Variants in SCN8A observed in about 807,000 individuals in gnomAD.
SCN8A encodes the protein sodium channel protein type 8 subunit alpha.
In SCN8A, 30 loss-of-function variants were observed where a neutral mutation model predicts 184.1. That is an observed-to-expected ratio of 0.16 (90% CI 0.12 to 0.22). The LOEUF is 0.22. Among genes scored for constraint, SCN8A ranks in the 10% least tolerant of loss-of-function variants. The probability of loss-of-function intolerance (pLI) is 1.00; values close to 1 mark genes in which losing one functional copy is unlikely to be tolerated. For missense variants in SCN8A, 1,057 were observed against 2,498.9 expected (o/e 0.42, Z 12.30); for synonymous variants, 852 against 907.0 (o/e 0.94, Z 1.09).
intron 23 of SCN8A, 71 bp from the exon 24 acceptor site, chr12:51,789,210 G>A: frequency 6.4e-7 from 1 of 1,551,236 alleles, no homozygotes; most frequent in Non-Finnish European, 8.8e-7. Context: ...CACAGTTACG[G>A]CTGATGGCCT....
chr12:51,591,678 C>T (rs1007239908), intron 1 of SCN8A, among the ~76,000 whole-genome samples: 15 of 152,304 alleles, frequency 9.8e-5, no homozygotes, highest in Non-Finnish European at 2.1e-4. Context: ...GTGCCCCTTC[C>T]GCGGTGCAGC....
chr12:51,699,880 T>A (rs924000172), intron 7 of SCN8A, 89 bp downstream of exon 7: 2 of 1,195,700 alleles, frequency 1.7e-6, no homozygotes, highest in African/African-American at 1.5e-5. Flanking sequence ...AAAAAAGTAG[T>A]TGGAGGCCGG....
rs1351283496 is a variant in SCN8A, at chr12:51,770,397, A to G, written c.3491-132A>G. The stretch of plus-strand genomic sequence containing the variant: ...CACCCTCTCCATTTCTGAATCAGAC[A>G]TTCTGATTCAGCCACTGTCCTCCTG... On this transcript the variant is annotated intron_variant, in intron 18 of 26. Coordinates refer to ENST00000627620, the MANE Select transcript of SCN8A (RefSeq NM_001330260.2). 5.9e-6 allele frequency: 6 copies of G among 1,018,094 alleles called. No homozygotes were observed. The East Asian group carries it at 1.6e-4, about 27-fold the overall frequency. 63.1% of individuals were successfully genotyped at this position (1,018,094 alleles called of 1,614,324 possible).
chr12:51,604,009 C>T (rs114371776), intron 1 of SCN8A, among the ~76,000 whole-genome samples: 1,671 of 152,142 alleles, frequency 0.011, 29 homozygotes, highest in African/African-American at 0.038. Context: ...ATATTTTCTC[C>T]CACTCTTTAG....
At chr12:51,775,663 G>T (rs559490175) in intron 20 of SCN8A, among the ~76,000 whole-genome samples, 9 of 152,300 alleles carry the variant, frequency 5.9e-5, no homozygotes, top group African/African-American at 1.9e-4. Context: ...TAAAGAATGG[G>T]ATTGAGATAA....
At chr12:51,795,221 G>A (rs779562222) in intron 26 of SCN8A, among the ~76,000 whole-genome samples, 8 of 152,170 alleles carry the variant, frequency 5.3e-5, no homozygotes, top group Non-Finnish European at 1.2e-4. Flanking sequence ...ACAGCCACTC[G>A]CTAGGAGGTG....
chr12:51,657,009 A>T (rs1005337417), intron 1 of SCN8A, among the ~76,000 whole-genome samples: 1 of 152,232 alleles, frequency 6.6e-6, no homozygotes, highest in East Asian at 1.9e-4. Context: ...ACTCCTAGGT[A>T]TAGACTCAAA....
At chr12:51,691,257 C>T (rs542036974) in intron 6 of SCN8A, among the ~76,000 whole-genome samples, 1 of 152,250 alleles carries the variant, frequency 6.6e-6, no homozygotes, top group African/African-American at 2.4e-5. Context: ...AATTGGAAAG[C>T]TGTATTCTAT....
At chr12:51,757,750 A>T (rs960668216) in intron 14 of SCN8A, among the ~76,000 whole-genome samples, 1 of 152,160 alleles carries the variant, frequency 6.6e-6, no homozygotes, top group African/African-American at 2.4e-5. Context: ...TCATGCCACT[A>T]CATTCCAGCC....
At chr12:51,739,119 T>G (rs2138815673) in intron 12 of SCN8A, among the ~76,000 whole-genome samples, 1 of 152,320 alleles carries the variant, frequency 6.6e-6, no homozygotes, top group Admixed American at 6.5e-5. Flanking sequence ...TTCCTCTATC[T>G]GGCGGCCTGA....
intron 1 of SCN8A, among the ~76,000 whole-genome samples, chr12:51,646,894 A>T (rs575584985): frequency 6.6e-6 from 1 of 152,260 alleles, no homozygotes; most frequent in African/African-American, 2.4e-5. Flanking sequence ...CTTGGTAGCT[A>T]TATGGATGTA....
intron 1 of SCN8A, among the ~76,000 whole-genome samples, chr12:51,635,621 T>C (rs1226185640): frequency 6.6e-6 from 1 of 152,120 alleles, no homozygotes; most frequent in East Asian, 1.9e-4. Flanking sequence ...TGAGTAATTC[T>C]CTCTGGAACT....
intron 26 of SCN8A, among the ~76,000 whole-genome samples, chr12:51,805,480 A>C (rs899695592): frequency 6.6e-6 from 1 of 152,014 alleles, no homozygotes; most frequent in Non-Finnish European, 1.5e-5. Flanking sequence ...CCATAGTAGG[A>C]AATTATATAT....
chr12:51,762,914 T>C (rs1942783021), intron 15 of SCN8A, among the ~76,000 whole-genome samples: 1 of 152,166 alleles, frequency 6.6e-6, no homozygotes, highest in African/African-American at 2.4e-5. Context: ...CTTTAGAAAA[T>C]GCTGCTTAAT....
intron 1 of SCN8A, among the ~76,000 whole-genome samples, chr12:51,623,904 G>T (rs1026046889): frequency 3.4e-4 from 51 of 152,214 alleles, no homozygotes; most frequent in African/African-American, 1.2e-3. Flanking sequence ...TGAGAATGAT[G>T]GTTTCCAGCT....
At chr12:51,764,704 A>G (rs1229159054) in intron 15 of SCN8A, among the ~76,000 whole-genome samples, 1 of 152,168 alleles carries the variant, frequency 6.6e-6, no homozygotes, top group East Asian at 1.9e-4. Context: ...ATTATTTATT[A>G]CAGAATATAG....
At chr12:51,591,992 CG>C (rs1412883030) in intron 1 of SCN8A, among the ~76,000 whole-genome samples, 2 of 150,056 alleles carry the variant, frequency 1.3e-5, no homozygotes, top group Non-Finnish European at 3.0e-5. Flanking sequence ...CCTCGGCAGG[CG>C]AGGATTCCTG....
chr12:51,782,950 G>A (rs1299002461), intron 21 of SCN8A, among the ~76,000 whole-genome samples: 6 of 152,184 alleles, frequency 3.9e-5, no homozygotes, highest in Non-Finnish European at 8.8e-5. Context: ...GCATTACGAT[G>A]TTTTATTTGA....
intron 1 of SCN8A, among the ~76,000 whole-genome samples, chr12:51,651,516 T>G (rs1040178099): frequency 6.6e-6 from 1 of 152,186 alleles, no homozygotes; most frequent in African/African-American, 2.4e-5. Flanking sequence ...ACTTCTTACA[T>G]GGCAGCAGCA....
Sources: gnomAD v4.1 joint callset for allele counts (sites outside exome capture counted in the v4.1 genomes callset) on GRCh38, gnomAD v4.1.1 for gene constraint, MANE v1.5 for transcripts, NCBI Gene and HGNC (gene_info 2026-07-23, HGNC 2026-07-21) for gene names.